PPARGC1A: variants seen among roughly 807,000 people sequenced by gnomAD.
PPARGC1A encodes peroxisome proliferator-activated receptor gamma coactivator 1-alpha.
A neutral mutation model predicts 88.7 loss-of-function variants in PPARGC1A; 25 were observed. The observed-to-expected ratio is 0.28, with a 90% CI of 0.21 to 0.39. The LOEUF (loss-of-function observed/expected upper bound fraction) is 0.39. Among genes scored for constraint, PPARGC1A ranks in the 10% least tolerant of loss-of-function variants. The pLI, the probability that PPARGC1A is intolerant of heterozygous loss-of-function variation, is 1.00. For missense variants in PPARGC1A, 880 were observed against 968.7 expected (o/e 0.91, Z 1.22); for synonymous variants, 363 against 355.6 (o/e 1.02, Z -0.24).
At chr4:24,386,859 A>G in the PPARGC1A span, among the ~76,000 whole-genome samples, 3 of 152,198 alleles carry the variant, frequency 2.0e-5, no homozygotes, top group South Asian at 2.1e-4. Flanking sequence ...TCAAGCTACC[A>G]TTGACTTTCT....
chr4:24,122,482 C>T, the PPARGC1A span, among the ~76,000 whole-genome samples: 1 of 151,052 alleles, frequency 6.6e-6, no homozygotes, highest in African/African-American at 2.4e-5. Flanking sequence ...TTTTGCTTCA[C>T]TCTTAGTAAA....
At chr4:24,086,180 C>T in the PPARGC1A span, among the ~76,000 whole-genome samples, 1 of 152,306 alleles carries the variant, frequency 6.6e-6, no homozygotes, top group Non-Finnish European at 1.5e-5. Flanking sequence ...TCCACCCCAT[C>T]ATCAGCCCAG....
chr4:23,936,567 T>A, the PPARGC1A span, among the ~76,000 whole-genome samples: 512 of 152,130 alleles, frequency 3.4e-3, 1 homozygote, highest in Non-Finnish European at 6.2e-3. Context: ...ACAAACCCCA[T>A]CTCTACTAAA....
chr4:23,965,859 A>G, the PPARGC1A span, among the ~76,000 whole-genome samples: 113 of 152,310 alleles, frequency 7.4e-4, no homozygotes, highest in Non-Finnish European at 1.2e-3. Flanking sequence ...GACATAAATA[A>G]ATCACAAAAT....
the PPARGC1A span, among the ~76,000 whole-genome samples, chr4:24,027,281 C>A: frequency 6.7e-6 from 1 of 148,448 alleles, no homozygotes; most frequent in African/African-American, 2.5e-5. Flanking sequence ...CCAACTCCAC[C>A]ATTTATAGCA....
At chr4:23,811,290 G>GT (rs949475249) in intron 10 of PPARGC1A, among the ~76,000 whole-genome samples, 1 of 151,630 alleles carries the variant, frequency 6.6e-6, no homozygotes, top group Non-Finnish European at 1.5e-5. Context: ...ATGTTAGTGA[G>GT]TTTTTTTAAA....
the PPARGC1A span, among the ~76,000 whole-genome samples, chr4:23,988,089 A>T: frequency 6.6e-6 from 1 of 152,016 alleles, no homozygotes; most frequent in South Asian, 2.1e-4. Context: ...TTCCAGCTTC[A>T]TCCTTGTCCC....
chr4:24,083,676 G>A, the PPARGC1A span, among the ~76,000 whole-genome samples: 1 of 152,124 alleles, frequency 6.6e-6, no homozygotes, highest in African/African-American at 2.4e-5. Flanking sequence ...GTTCACCTCT[G>A]TTGAACCATG....
chr4:24,290,431 C>T, the PPARGC1A span, among the ~76,000 whole-genome samples: 1 of 152,152 alleles, frequency 6.6e-6, no homozygotes, highest in Non-Finnish European at 1.5e-5. Context: ...AAGCCTTCTG[C>T]TTTTCCTCCT....
At chr4:24,194,395 C>A in the PPARGC1A span, among the ~76,000 whole-genome samples, 16 of 151,924 alleles carry the variant, frequency 1.1e-4, no homozygotes. Flanking sequence ...TTCTATACAC[C>A]AACTCCACTG....
the PPARGC1A span, among the ~76,000 whole-genome samples, chr4:24,198,673 G>A: frequency 2.0e-5 from 3 of 152,182 alleles, no homozygotes; most frequent in Non-Finnish European, 4.4e-5. Flanking sequence ...CTAAGGCCAG[G>A]ACATGGAAGC....
chr4:24,145,798 G>A, the PPARGC1A span, among the ~76,000 whole-genome samples: 1 of 152,130 alleles, frequency 6.6e-6, no homozygotes, highest in Non-Finnish European at 1.5e-5. Context: ...TTATACTTCT[G>A]CCATCAACTT....
the PPARGC1A span, among the ~76,000 whole-genome samples, chr4:24,209,145 C>T: frequency 4.6e-5 from 7 of 152,222 alleles, no homozygotes; most frequent in East Asian, 1.9e-4. Context: ...ATTCAAAGGC[C>T]GGTTTCATCA....
At chr4:24,420,528 A>G in the PPARGC1A span, among the ~76,000 whole-genome samples, 2 of 152,296 alleles carry the variant, frequency 1.3e-5, no homozygotes, top group South Asian at 2.1e-4. Context: ...TTTTTAATGC[A>G]GAATGGATCA....
chr4:24,308,847 C>G, the PPARGC1A span, among the ~76,000 whole-genome samples: 2 of 152,048 alleles, frequency 1.3e-5, no homozygotes, highest in Admixed American at 6.5e-5. Context: ...AGATGACTTA[C>G]CCAGAGTCAT....
At chr4:24,340,646 C>T in the PPARGC1A span, among the ~76,000 whole-genome samples, 1 of 151,980 alleles carries the variant, frequency 6.6e-6, no homozygotes, top group Non-Finnish European at 1.5e-5. Flanking sequence ...ATGGGGTTTC[C>T]GTCCACATCT....
chr4:24,468,432 C>T, the PPARGC1A span, among the ~76,000 whole-genome samples: 46 of 152,312 alleles, frequency 3.0e-4, no homozygotes, highest in East Asian at 2.3e-3. Context: ...GATGCTCCCC[C>T]CCGCACACAC....
At chr4:24,007,032 C>A in the PPARGC1A span, among the ~76,000 whole-genome samples, 3 of 152,098 alleles carry the variant, frequency 2.0e-5, no homozygotes, top group Non-Finnish European at 2.9e-5. Context: ...TGGGAGGCAT[C>A]TTATAATCAA....
the PPARGC1A span, among the ~76,000 whole-genome samples, chr4:24,192,816 C>T: frequency 6.6e-6 from 1 of 152,148 alleles, no homozygotes; most frequent in African/African-American, 2.4e-5. Flanking sequence ...ATTATAGCTA[C>T]ACTGTATTTA....
Sources: gnomAD v4.1 joint callset for allele counts (sites outside exome capture counted in the v4.1 genomes callset) on GRCh38, gnomAD v4.1.1 for gene constraint, MANE v1.5 for transcripts, NCBI Gene and HGNC (gene_info 2026-07-23, HGNC 2026-07-21) for gene names.